ST8SIA4: variants seen among roughly 807,000 people sequenced by gnomAD.
The protein encoded by ST8SIA4 is ST8 alpha-N-acetyl-neuraminide alpha-2,8-sialyltransferase 4.
In ST8SIA4, 15 loss-of-function variants were observed where a neutral mutation model predicts 33.9. The observed-to-expected ratio is 0.44, with a 90% CI of 0.30 to 0.68. The LOEUF is 0.68. Among genes scored for constraint, ST8SIA4 ranks in the 30% least tolerant of loss-of-function variants. The pLI, the probability that ST8SIA4 is intolerant of heterozygous loss-of-function variation, is 0.10. For synonymous variants in ST8SIA4, 171 were observed against 151.2 expected (o/e 1.13, Z -0.96); for missense variants, 321 against 428.0 (o/e 0.75, Z 2.21).
chr5:100,826,983 C>CAT (rs1403589247), intron 4 of ST8SIA4, among the ~76,000 whole-genome samples: 2 of 151,272 alleles, frequency 1.3e-5, no homozygotes, highest in African/African-American at 4.9e-5. Context: ...CACACACACA[C>CAT]ACATCCCATA....
intron 3 of ST8SIA4, among the ~76,000 whole-genome samples, chr5:100,876,595 G>A (rs3776171): frequency 0.34 from 50,861 of 151,680 alleles, 8,676 homozygotes; most frequent in African/African-American, 0.35. Context: ...TTGAAACATG[G>A]TATTTGCTAT....
intron 3 of ST8SIA4, among the ~76,000 whole-genome samples, chr5:100,874,626 G>T (rs1752267252): frequency 6.6e-6 from 1 of 150,956 alleles, no homozygotes; most frequent in Non-Finnish European, 1.5e-5. Context: ...GCTCTTTTAT[G>T]CAGGCTCGAG....
chr5:100,898,236 A>G (rs546370493), intron 1 of ST8SIA4, among the ~76,000 whole-genome samples: 1 of 152,180 alleles, frequency 6.6e-6, no homozygotes, highest in Non-Finnish European at 1.5e-5. Context: ...AGGTGGGGGG[A>G]TTACTTGATC....
intron 2 of ST8SIA4, among the ~76,000 whole-genome samples, 179 bp from the exon 3 acceptor site, chr5:100,886,779 A>G (rs907057721): frequency 2.0e-5 from 3 of 152,148 alleles, no homozygotes; most frequent in African/African-American, 4.8e-5. Flanking sequence ...AGTCGATTCT[A>G]TAAGAAACAA....
At chr5:100,819,032 C>T (rs746063468) in intron 4 of ST8SIA4, among the ~76,000 whole-genome samples, 30 of 152,120 alleles carry the variant, frequency 2.0e-4, no homozygotes, top group African/African-American at 2.7e-4. Context: ...TTAGTGAATA[C>T]GTAACTCTCA....
At chr5:100,827,078 A>C (rs2112410438) in intron 4 of ST8SIA4, among the ~76,000 whole-genome samples, 1 of 152,136 alleles carries the variant, frequency 6.6e-6, no homozygotes, top group South Asian at 2.1e-4. Context: ...TTATTAGAAA[A>C]ACACTTATAA....
chr5:100,814,423 T>C (rs1281334945), intron 4 of ST8SIA4, among the ~76,000 whole-genome samples: 1 of 151,998 alleles, frequency 6.6e-6, no homozygotes, highest in African/African-American at 2.4e-5. Context: ...TGATATTTGA[T>C]TTGCAACAGT....
intron 3 of ST8SIA4, 124 bp from the exon 4 acceptor site, chr5:100,856,520 G>T: frequency 2.3e-6 from 2 of 880,630 alleles, no homozygotes; most frequent in Non-Finnish European, 3.4e-6. Context: ...AAAACCAAAA[G>T]ATCATCTACT....
In ST8SIA4 at chr5:100,810,211, C is replaced by A. The variant is rs1380787366; in HGVS notation, c.*1636G>T. On this transcript the variant is annotated 3_prime_UTR_variant, in exon 5 of 5. Coordinates refer to ENST00000231461, the MANE Select transcript of ST8SIA4 (RefSeq NM_005668.6). ...TTATACATTAAAAATTTTTTAATTACTTTATTAATAATTTCATGTGTTTCT... is the reference window on the plus strand; with the variant it reads ...TTATACATTAAAAATTTTTTAATTAATTTATTAATAATTTCATGTGTTTCT... The A allele has an allele frequency of 6.6e-6, 1 of 152,086 alleles. No individual in the cohort carries two copies. Among genetic ancestry groups the A allele is most frequent in the Admixed American group, 6.5e-5 (1 of 15,276 alleles). 9.4% of individuals were successfully genotyped at this position (152,086 alleles called of 1,614,324 possible).
In ST8SIA4 at chr5:100,903,024, T is replaced by G. The variant is rs1752957001; in HGVS notation, c.-69A>C. ...TTCTCTTGATATAAAGGCTCCGTTT[T>G]GGGGAGATAGTCGCGGGGGTGAAAT... On this transcript the variant is annotated 5_prime_UTR_variant, in exon 1 of 5. Transcript: ENST00000231461. 8.8e-7 allele frequency: 1 copy of G among 1,133,248 alleles called. No individual in the cohort carries two copies. Among genetic ancestry groups the G allele is most frequent in the Non-Finnish European group, 1.3e-6 (1 of 752,018 alleles). The allele number at this position is 1,133,248 out of a possible 1,614,324, so 70.2% of individuals were successfully genotyped here.
chr5:100,808,226 C>G lies in ST8SIA4; in HGVS notation c.*3621G>C, dbSNP rs534173125. ...TAACTAATTGGTATGTACACTACCCCTAGCATTACTTAAATAAATTGCTTT... is the reference window on the plus strand; with the variant it reads ...TAACTAATTGGTATGTACACTACCCGTAGCATTACTTAAATAAATTGCTTT... On this transcript the variant is annotated 3_prime_UTR_variant, in exon 5 of 5. Transcript: ENST00000231461. 2 of 152,692 alleles carry G rather than the reference C, an allele frequency of 1.3e-5. No individual in the cohort carries two copies. The highest frequency in any genetic ancestry group is 1.3e-4 in the Admixed American group (2 of 15,300). 9.5% of individuals were successfully genotyped at this position (152,692 alleles called of 1,614,324 possible). A position where few individuals can be genotyped will look rare whatever the true frequency, so the allele number is the denominator to read the frequency against.
In ST8SIA4 at chr5:100,811,836, C is replaced by G; in HGVS notation, c.*11G>C. On this transcript the variant is annotated 3_prime_UTR_variant, in exon 5 of 5. Transcript: ENST00000231461. ...GAAAAGAAGTGCATATTGTTTGTTT[C>G]AAAATGTGCTTTATTGCTTTACACA... The G allele has an allele frequency of 6.3e-7, 1 of 1,590,564 alleles. No homozygotes were observed. Among genetic ancestry groups the G allele is most frequent in the South Asian group, 1.1e-5 (1 of 87,628 alleles).
At chr5:100,854,820 T>C (rs1751780521) in intron 4 of ST8SIA4, among the ~76,000 whole-genome samples, 3 of 152,158 alleles carry the variant, frequency 2.0e-5, no homozygotes, top group African/African-American at 7.2e-5. Context: ...CTTGTATCCA[T>C]TGTATTTAAT....
At chr5:100,891,289 A>G (rs1752656550) in intron 2 of ST8SIA4, among the ~76,000 whole-genome samples, 1 of 151,984 alleles carries the variant, frequency 6.6e-6, no homozygotes, top group South Asian at 2.1e-4. Flanking sequence ...ACAAAAAAAA[A>G]TCACTGTAAA....
intron 4 of ST8SIA4, among the ~76,000 whole-genome samples, chr5:100,836,757 G>T (rs1258349487): frequency 4.0e-5 from 6 of 151,750 alleles, no homozygotes; most frequent in Non-Finnish European, 8.8e-5. Flanking sequence ...AATTCTAAAA[G>T]CATTATCTCC....
chr5:100,883,286 T>G (rs1411389318), intron 3 of ST8SIA4, among the ~76,000 whole-genome samples: 1 of 152,206 alleles, frequency 6.6e-6, no homozygotes, highest in African/African-American at 2.4e-5. Context: ...CTCACTGGAT[T>G]TTAGACTAGC....
At chr5:100,833,651 T>C (rs1316573886) in intron 4 of ST8SIA4, among the ~76,000 whole-genome samples, 1 of 152,168 alleles carries the variant, frequency 6.6e-6, no homozygotes, top group Non-Finnish European at 1.5e-5. Context: ...GTAATAATGA[T>C]TGGCATATAG....
chr5:100,861,061 A>G (rs1319038792), intron 3 of ST8SIA4, among the ~76,000 whole-genome samples: 1 of 152,192 alleles, frequency 6.6e-6, no homozygotes, highest in East Asian at 1.9e-4. Context: ...TATTAACCAT[A>G]GGATTAAAAT....
chr5:100,870,245 A>G (rs1752169555), intron 3 of ST8SIA4, among the ~76,000 whole-genome samples: 1 of 152,170 alleles, frequency 6.6e-6, no homozygotes, highest in Non-Finnish European at 1.5e-5. Flanking sequence ...CCAGTCTATC[A>G]TTGATGAACA....
Sources: gnomAD v4.1 joint callset for allele counts (sites outside exome capture counted in the v4.1 genomes callset) on GRCh38, gnomAD v4.1.1 for gene constraint, MANE v1.5 for transcripts, NCBI Gene and HGNC (gene_info 2026-07-23, HGNC 2026-07-21) for gene names.